The following EPHA3 variants were observed in gnomAD, a reference collection of about 807,000 sequenced individuals.
EPHA3 encodes EPH receptor A3.
A neutral mutation model predicts 107.1 loss-of-function variants in EPHA3; 42 were observed. The observed-to-expected ratio is 0.39, with a 90% CI of 0.31 to 0.51. EPHA3 has a LOEUF of 0.51. EPHA3 is among the 20% of genes least tolerant of loss of function. EPHA3 has a pLI of 0.78. For synonymous variants in EPHA3, 461 were observed against 424.8 expected (o/e 1.09, Z -1.05); for missense variants, 1,183 against 1,211.2 (o/e 0.98, Z 0.35).
intron 2 of EPHA3, among the ~76,000 whole-genome samples, chr3:89,208,482 G>GAAAAAGAAAGAAAGAAAGAA (rs796550208): frequency 1.6e-5 from 2 of 127,160 alleles, no homozygotes; most frequent in Non-Finnish European, 1.6e-5. Flanking sequence ...AAGAAAGAAA[G>GAAAAAGAAAGAAAGAAAGAA]AGAAAAAGAA....
At chr3:89,344,063 T>G (rs1415656343) in intron 5 of EPHA3, among the ~76,000 whole-genome samples, 1 of 152,168 alleles carries the variant, frequency 6.6e-6, no homozygotes, top group Admixed American at 6.6e-5. Flanking sequence ...CGGAGCGCTA[T>G]ATTTCAAGCT....
intron 2 of EPHA3, among the ~76,000 whole-genome samples, chr3:89,201,668 T>C (rs2107161454): frequency 6.6e-6 from 1 of 152,352 alleles, no homozygotes; most frequent in South Asian, 2.1e-4. Flanking sequence ...GAATTTTTCT[T>C]AAATGAATCT....
chr3:89,175,501 C>T (rs768028080), intron 2 of EPHA3, among the ~76,000 whole-genome samples: 2 of 151,992 alleles, frequency 1.3e-5, no homozygotes, highest in Non-Finnish European at 1.5e-5. Flanking sequence ...AATTGATAAA[C>T]ATATATATTT....
chr3:89,321,523 T>C (rs1707043538), intron 3 of EPHA3, among the ~76,000 whole-genome samples: 1 of 152,098 alleles, frequency 6.6e-6, no homozygotes, highest in Non-Finnish European at 1.5e-5. Context: ...TGCTATTCCT[T>C]TAGAAGCACC....
At position 89,408,123 on chromosome 3, in the gene EPHA3, A is replaced by C; in HGVS notation, c.1754A>C (p.Asn585Thr). The part of the protein sequence containing the change: ...GADEKRLHFG[N>T]GHLKLPGLRT... ...GATGAAAAAAGACTTCATTTTGGCA[A>C]TGGGCATTGTAAGTTTCTAAACTTG... The change falls in exon 9 of 17, where the codon AAT (asparagine) becomes ACT (threonine). Residue 585 changes from asparagine to threonine, a missense_variant. Asn to Thr is a moderately conservative substitution (Grantham distance 65). Coordinates refer to ENST00000336596, the MANE Select transcript of EPHA3 (RefSeq NM_005233.6). 6.2e-7 allele frequency: 1 copy of C among 1,612,758 alleles called. No individual in the cohort carries two copies. Among genetic ancestry groups the C allele is most frequent in the Non-Finnish European group, 8.5e-7 (1 of 1,179,018 alleles).
At chr3:89,219,694 T>TTTTTG (rs1559606304) in intron 3 of EPHA3, among the ~76,000 whole-genome samples, 541 of 11,522 alleles carry the variant, frequency 0.047, 102 homozygotes, top group African/African-American at 0.11. Context: ...CAATGTTTTT[T>TTTTTG]TTTTTTTTGT....
At chr3:89,181,765 T>G (rs73845998) in intron 2 of EPHA3, among the ~76,000 whole-genome samples, 4,963 of 152,072 alleles carry the variant, frequency 0.033, 286 homozygotes, top group African/African-American at 0.11. Flanking sequence ...TCGTTAAATC[T>G]AAGCAGAGAG....
At chr3:89,383,260 C>A (rs116436509) in intron 5 of EPHA3, among the ~76,000 whole-genome samples, 2,436 of 152,224 alleles carry the variant, frequency 0.016, 66 homozygotes, top group African/African-American at 0.055. Flanking sequence ...TATATAATGG[C>A]ATTTCGTTTT....
At chr3:89,383,773 C>T (rs192937868) in intron 5 of EPHA3, among the ~76,000 whole-genome samples, 4,246 of 151,300 alleles carry the variant, frequency 0.028, 183 homozygotes, top group African/African-American at 0.097. Context: ...CTCAGCCTCC[C>T]GAGTAGCTGG....
rs547179484 is a variant in EPHA3 at position 89,107,667 on chromosome 3, C to T, written c.-82C>T. On this transcript the variant is annotated 5_prime_UTR_variant, in exon 1 of 17. Transcript: ENST00000336596. ...CTGCGAGCGGAGCATGGTAACTTCT[C>T]CAGCAATCAGAGCGCTCCCCCTCAC... is the stretch of plus-strand genomic sequence containing the variant. 7.7e-7 allele frequency: 1 copy of T among 1,296,776 alleles called. No individual in the cohort carries two copies. Among genetic ancestry groups the T allele is most frequent in the African/African-American group, 1.5e-5 (1 of 68,586 alleles). 80.3% of individuals were successfully genotyped at this position (1,296,776 alleles called of 1,614,324 possible).
chr3:89,449,493 C>G, intron 14 of EPHA3, 119 bp downstream of exon 14: 1 of 840,254 alleles, frequency 1.2e-6, no homozygotes. Flanking sequence ...AAATATTTAG[C>G]AGCAATGAAA....
chr3:89,253,457 C>T (rs1012802740), intron 3 of EPHA3, among the ~76,000 whole-genome samples: 1 of 152,048 alleles, frequency 6.6e-6, no homozygotes, highest in African/African-American at 2.4e-5. Context: ...TGGCTTAAGG[C>T]AGTCTTTAAG....
chr3:89,245,081 G>A (rs894215282), intron 3 of EPHA3, among the ~76,000 whole-genome samples: 3 of 152,148 alleles, frequency 2.0e-5, no homozygotes, highest in Non-Finnish European at 2.9e-5. Flanking sequence ...GTTTGCAATG[G>A]TTTTGATTCA....
intron 3 of EPHA3, among the ~76,000 whole-genome samples, chr3:89,283,040 CA>C (rs1162637078): frequency 6.6e-6 from 1 of 151,950 alleles, no homozygotes; most frequent in Non-Finnish European, 1.5e-5. Context: ...AGAAGCCAGG[CA>C]AAATAATTAT....
At chr3:89,239,676 TTC>T (rs1704849858) in intron 3 of EPHA3, among the ~76,000 whole-genome samples, 1 of 152,350 alleles carries the variant, frequency 6.6e-6, no homozygotes, top group East Asian at 1.9e-4. Context: ...ACCACTATTC[TTC>T]TCTTTTATGA....
At chr3:89,430,389 T>G (rs1709543355) in intron 12 of EPHA3, among the ~76,000 whole-genome samples, 1 of 152,104 alleles carries the variant, frequency 6.6e-6, no homozygotes, top group Admixed American at 6.5e-5. Flanking sequence ...AAATAAAAAT[T>G]TTAATAGCAA....
At chr3:89,340,822 A>C (rs1221057239) in intron 3 of EPHA3, 94 bp from the exon 4 acceptor site, 1 of 1,269,238 alleles carries the variant, frequency 7.9e-7, no homozygotes, top group African/African-American at 1.6e-5. Flanking sequence ...ATTTTTATTT[A>C]TAATAAATTC....
chr3:89,415,036 G>T lies in EPHA3; in HGVS notation c.1888+1770G>T, dbSNP rs1045473697. On this transcript the variant is annotated intron_variant, in intron 10 of 16. Transcript: ENST00000336596. The stretch of plus-strand genomic sequence containing the variant: ...ATTTGCAAATAGGTATACCTTCAAG[G>T]TTAGTTATACTTTTCCTGAAATAAT... Among the ~76,000 whole-genome samples, 5 of 151,440 alleles carry T rather than the reference G, an allele frequency of 3.3e-5. No individual in the cohort carries two copies. The East Asian group carries it at 9.7e-4, about 29-fold the overall frequency.
At chr3:89,475,021 A>AATTCAGGGACAATATAGG (rs1298219491) in intron 16 of EPHA3, among the ~76,000 whole-genome samples, 2 of 152,044 alleles carry the variant, frequency 1.3e-5, no homozygotes, top group Non-Finnish European at 2.9e-5. Context: ...CTTTCTCCTC[A>AATTCAGGGACAATATAGG]ATTCAGGGAC....
Sources: gnomAD v4.1 joint callset for allele counts (sites outside exome capture counted in the v4.1 genomes callset) on GRCh38, gnomAD v4.1.1 for gene constraint, MANE v1.5 for transcripts, NCBI Gene and HGNC (gene_info 2026-07-23, HGNC 2026-07-21) for gene names.